The following ADAMTSL1 variants were observed in gnomAD, a reference collection of about 807,000 sequenced individuals.
ADAMTSL1 encodes ADAMTS-like protein 1.
ADAMTSL1 carries 126 observed loss-of-function variants against 201.8 expected under a neutral mutation model. The observed-to-expected ratio is 0.62, with a 90% CI of 0.54 to 0.72. The LOEUF (loss-of-function observed/expected upper bound fraction) is 0.72, where lower values mean the gene tolerates loss of function less well. ADAMTSL1 is among the 30% of genes least tolerant of loss of function. The pLI is 0.00. For synonymous variants in ADAMTSL1, 1,121 were observed against 903.4 expected, an observed-to-expected ratio of 1.24 and a Z score of -4.32; for missense variants, 2,679 against 2,277.8, an observed-to-expected ratio of 1.18 and a Z score of -3.59.
At chr9:18,294,053 C>T (rs951780106) in intron 2 of ADAMTSL1, among the ~76,000 whole-genome samples, 4 of 152,176 alleles carry the variant, frequency 2.6e-5, no homozygotes, top group Admixed American at 6.5e-5. Flanking sequence ...CATGGGCTTA[C>T]GAGGAGAGTT....
At chr9:18,906,947 C>T (rs1417324577) in intron 28 of ADAMTSL1, 35 bp downstream of exon 28, 2 of 1,610,202 alleles carry the variant, frequency 1.2e-6, no homozygotes, top group Admixed American at 1.7e-5. Context: ...TCTGCAAATT[C>T]CCCATAGAGC....
chr9:18,176,023 A>AT lies in ADAMTSL1; in HGVS notation c.207+12042_207+12043insT, dbSNP rs1158527772. On this transcript the variant is annotated intron_variant, in intron 2 of 29. Coordinates refer to the ADAMTSL1 transcript ENST00000680146. ...GAGGGAAAGCAAAAAAAAAAAAAAA[A>AT]AAAAAAAAAAGGCAAACAAAGGTTT... 2.5e-3 allele frequency among the ~76,000 whole-genome samples: 193 copies of AT among 78,352 alleles called. 2 individuals are homozygous for AT. The East Asian group carries it at 0.026, about 11-fold the overall frequency. 51.4% of individuals were successfully genotyped at this position (78,352 alleles called of 152,430 possible). A position where few individuals can be genotyped will look rare whatever the true frequency, so the allele number is the denominator to read the frequency against.
chr9:17,921,231 T>C (rs1358366382), intron 1 of ADAMTSL1, among the ~76,000 whole-genome samples: 1 of 152,172 alleles, frequency 6.6e-6, no homozygotes, highest in Non-Finnish European at 1.5e-5. Context: ...TTTGAACCAG[T>C]ATTCCTAGCT....
chr9:18,598,690 G>T (rs1309514467), intron 4 of ADAMTSL1, among the ~76,000 whole-genome samples: 1 of 152,084 alleles, frequency 6.6e-6, no homozygotes, highest in African/African-American at 2.4e-5. Flanking sequence ...TTCCACTCCT[G>T]TAGAAATGCC....
chr9:18,183,075 C>G (rs1335572859), intron 2 of ADAMTSL1, among the ~76,000 whole-genome samples: 1 of 152,148 alleles, frequency 6.6e-6, no homozygotes, highest in Admixed American at 6.5e-5. Context: ...CTCTTTCTGC[C>G]AAAAGTGTCC....
intron 1 of ADAMTSL1, among the ~76,000 whole-genome samples, chr9:17,932,034 A>C (rs1222126908): frequency 1.3e-5 from 2 of 152,130 alleles, no homozygotes; most frequent in African/African-American, 4.8e-5. Context: ...GTTCAAATCC[A>C]CCTGTGCACA....
intron 14 of ADAMTSL1, among the ~76,000 whole-genome samples, chr9:18,720,239 C>G (rs1833249578): frequency 6.6e-6 from 1 of 152,154 alleles, no homozygotes; most frequent in Non-Finnish European, 1.5e-5. Flanking sequence ...CACAGCCATC[C>G]TCAGCTTTAC....
intron 1 of ADAMTSL1, among the ~76,000 whole-genome samples, chr9:18,156,546 C>G (rs1827162202): frequency 6.6e-6 from 1 of 152,008 alleles, no homozygotes; most frequent in Admixed American, 6.6e-5. Context: ...CCCTAACATT[C>G]TCCTCCAGTT....
chr9:18,016,642 A>T (rs954063451), intron 1 of ADAMTSL1, among the ~76,000 whole-genome samples: 5 of 152,088 alleles, frequency 3.3e-5, no homozygotes, highest in African/African-American at 1.2e-4. Flanking sequence ...AGATAAAACT[A>T]GTCCAGAAGA....
chr9:17,943,016 G>C (rs1827304758), intron 1 of ADAMTSL1, among the ~76,000 whole-genome samples: 1 of 152,080 alleles, frequency 6.6e-6, no homozygotes. Context: ...CAATCTCCTG[G>C]TCTTAAGTGA....
chr9:18,049,119 C>G (rs1202096249), intron 1 of ADAMTSL1, among the ~76,000 whole-genome samples: 1 of 152,188 alleles, frequency 6.6e-6, no homozygotes, highest in Non-Finnish European at 1.5e-5. Context: ...GGACACCAGT[C>G]ATGGGTTTAT....
intron 2 of ADAMTSL1, among the ~76,000 whole-genome samples, chr9:18,241,946 T>G (rs1831081616): frequency 1.3e-5 from 2 of 151,934 alleles, no homozygotes; most frequent in Non-Finnish European, 2.9e-5. Context: ...CTAAGAAAAA[T>G]TAATACCAAT....
At chr9:18,257,976 G>T (rs1236693796) in intron 2 of ADAMTSL1, among the ~76,000 whole-genome samples, 1 of 152,210 alleles carries the variant, frequency 6.6e-6, no homozygotes, top group Non-Finnish European at 1.5e-5. Context: ...GGAAAAAGGA[G>T]TTATTGTTTC....
chr9:18,854,787 C>T (rs1468749695), intron 23 of ADAMTSL1, among the ~76,000 whole-genome samples: 1 of 152,148 alleles, frequency 6.6e-6, no homozygotes, highest in Non-Finnish European at 1.5e-5. Context: ...AACTCTCAAA[C>T]AATTGTTCAG....
intron 2 of ADAMTSL1, among the ~76,000 whole-genome samples, chr9:18,393,774 C>G (rs1270750609): frequency 6.6e-6 from 1 of 152,100 alleles, no homozygotes; most frequent in African/African-American, 2.4e-5. Flanking sequence ...TTAAATGCCC[C>G]AGTATTCCTG....
chr9:18,662,813 G>C (rs898528441), intron 9 of ADAMTSL1, among the ~76,000 whole-genome samples: 5 of 152,102 alleles, frequency 3.3e-5, no homozygotes, highest in Non-Finnish European at 5.9e-5. Context: ...CTTTTCATAG[G>C]TGTAACGTTT....
chr9:18,282,763 A>G (rs1341648143), intron 2 of ADAMTSL1, among the ~76,000 whole-genome samples: 1 of 152,158 alleles, frequency 6.6e-6, no homozygotes, highest in Non-Finnish European at 1.5e-5. Flanking sequence ...CGGCTGTGGT[A>G]GCGCAGGCCT....
chr9:18,460,235 C>A (rs1370853215), intron 2 of ADAMTSL1, among the ~76,000 whole-genome samples: 1 of 152,156 alleles, frequency 6.6e-6, no homozygotes, highest in East Asian at 1.9e-4. Flanking sequence ...AAAGAGAGCA[C>A]AATGGAAAGT....
chr9:18,905,691 C>T, intron 26 of ADAMTSL1, 91 bp from the exon 27 acceptor site: 1 of 955,512 alleles, frequency 1.0e-6, no homozygotes, highest in African/African-American at 1.6e-5. Context: ...AAGACCTACA[C>T]AAGGATCGTG....
Sources: allele counts gnomAD v4.1 joint callset (sites outside exome capture counted in the v4.1 genomes callset), GRCh38; gene constraint gnomAD v4.1.1; transcripts MANE v1.5; gene names NCBI Gene and HGNC (gene_info 2026-07-23, HGNC 2026-07-21).